VAV3: variants seen among roughly 807,000 people sequenced by gnomAD.
The protein encoded by VAV3 is guanine nucleotide exchange factor VAV3.
Under a neutral mutation model 131.2 loss-of-function variants are expected in VAV3, and 94 were observed. The observed-to-expected ratio is 0.72, with a 90% CI of 0.61 to 0.85. The LOEUF (loss-of-function observed/expected upper bound fraction) is 0.85. Ranked by LOEUF, VAV3 falls within the 40% of genes least tolerant of loss-of-function variation. The pLI is 0.00. For missense variants in VAV3, 939 were observed against 1,002.7 expected (o/e 0.94, Z 0.86); for synonymous variants, 349 against 342.0 (o/e 1.02, Z -0.22).
intron 9 of VAV3, among the ~76,000 whole-genome samples, chr1:107,762,313 G>T (rs1664487992): frequency 6.6e-6 from 1 of 152,034 alleles, no homozygotes; most frequent in African/African-American, 2.4e-5. Context: ...CACATGGAAT[G>T]ATATATTATG....
At chr1:107,726,694 T>C (rs765530311) in intron 15 of VAV3, among the ~76,000 whole-genome samples, 3 of 152,248 alleles carry the variant, frequency 2.0e-5, no homozygotes, top group Non-Finnish European at 2.9e-5. Context: ...CCAACCTCGT[T>C]TCCTTTATTA....
chr1:107,909,881 A>C lies in VAV3; in HGVS notation c.205-34864T>G, dbSNP rs1209316915. On this transcript the variant is annotated intron_variant, in intron 1 of 26. Coordinates refer to ENST00000370056, the MANE Select transcript of VAV3 (RefSeq NM_006113.5). ...TATTTCATAATAATATTTTCTTTCAACTATCAAGCTTGCTCAGCTTCACAT... is the reference window on the plus strand; with the variant it reads ...TATTTCATAATAATATTTTCTTTCACCTATCAAGCTTGCTCAGCTTCACAT... Among the ~76,000 whole-genome samples, 3 of 152,304 alleles carry C rather than the reference A, an allele frequency of 2.0e-5. No individual in the cohort carries two copies. The East Asian group carries it at 5.8e-4, about 29-fold the overall frequency.
chr1:107,695,545 C>T (rs1033788614), intron 17 of VAV3, among the ~76,000 whole-genome samples: 1 of 151,976 alleles, frequency 6.6e-6, no homozygotes, highest in African/African-American at 2.4e-5. Context: ...GGGAAGTTTG[C>T]GGTAATGACT....
intron 19 of VAV3, among the ~76,000 whole-genome samples, chr1:107,659,457 C>T (rs1322387040): frequency 6.6e-6 from 1 of 152,146 alleles, no homozygotes; most frequent in Non-Finnish European, 1.5e-5. Context: ...TTCAGCTCTT[C>T]ACAATGTCCA....
At chr1:107,606,803 CTTTTTTTTTTTT>C (rs34849497) in intron 22 of VAV3, among the ~76,000 whole-genome samples, 1 of 58,000 alleles carries the variant, frequency 1.7e-5, no homozygotes, top group African/African-American at 7.0e-5. Flanking sequence ...ATGGTTTCTT[CTTTTTTTTTTTT>C]TTTTTTTTTT....
Position 107,704,668 on chromosome 1 carries a change from A to G in VAV3, c.1605-18T>C, listed in dbSNP as rs1275974616. On this transcript the variant is annotated intron_variant, in intron 16 of 26. Coordinates refer to ENST00000370056, the MANE Select transcript of VAV3 (RefSeq NM_006113.5). Reference sequence around the variant, plus strand: ...ATGTTCCCCTGAAAGGTGAAATAAGAAAGTGGTATATTAAACGGTGCAAAA... The same window carrying G: ...ATGTTCCCCTGAAAGGTGAAATAAGGAAGTGGTATATTAAACGGTGCAAAA... The G allele has an allele frequency of 1.9e-6, 3 of 1,593,226 alleles. No homozygotes were observed. The highest frequency in any genetic ancestry group is 1.7e-4 in the Middle Eastern group (1 of 6,020).
intron 15 of VAV3, among the ~76,000 whole-genome samples, chr1:107,713,782 G>T (rs1387429299): frequency 6.6e-6 from 1 of 152,068 alleles, no homozygotes; most frequent in Non-Finnish European, 1.5e-5. Flanking sequence ...CAAGGACTTA[G>T]TACCAAAGTA....
chr1:107,659,741 C>CTGT (rs1222347719), intron 19 of VAV3, among the ~76,000 whole-genome samples: 2 of 152,142 alleles, frequency 1.3e-5, no homozygotes, highest in Non-Finnish European at 2.9e-5. Flanking sequence ...TAAGGATATG[C>CTGT]TGTTACCCGC....
At chr1:107,812,199 A>C (rs1667345358) in intron 2 of VAV3, among the ~76,000 whole-genome samples, 1 of 152,208 alleles carries the variant, frequency 6.6e-6, no homozygotes, top group Admixed American at 6.5e-5. Flanking sequence ...AGCTGAATAC[A>C]TTAAATTACA....
chr1:107,785,327 T>C, intron 2 of VAV3: 1 of 914,234 alleles, frequency 1.1e-6, no homozygotes, highest in East Asian at 1.1e-4. Context: ...GCTAATTAAT[T>C]ATGGATTTAT....
At chr1:107,920,204 G>A (rs960272437) in intron 1 of VAV3, among the ~76,000 whole-genome samples, 1 of 152,160 alleles carries the variant, frequency 6.6e-6, no homozygotes, top group Non-Finnish European at 1.5e-5. Flanking sequence ...CTAGACTAAC[G>A]TATAGCATGT....
At chr1:107,865,008 T>G (rs746472129) in intron 2 of VAV3, among the ~76,000 whole-genome samples, 1 of 152,136 alleles carries the variant, frequency 6.6e-6, no homozygotes, top group Non-Finnish European at 1.5e-5. Flanking sequence ...ACTGCACTGG[T>G]TGCTTTTCCC....
intron 2 of VAV3, among the ~76,000 whole-genome samples, chr1:107,873,199 T>G (rs1670330063): frequency 6.6e-6 from 1 of 152,182 alleles, no homozygotes; most frequent in African/African-American, 2.4e-5. Flanking sequence ...TCACATTCAA[T>G]TTTTTGTAGT....
intron 21 of VAV3, among the ~76,000 whole-genome samples, chr1:107,613,515 T>A (rs1009641442): frequency 1.3e-5 from 2 of 152,144 alleles, no homozygotes; most frequent in African/African-American, 4.8e-5. Context: ...TCAATTACTA[T>A]ACCTGAATCA....
At chr1:107,631,344 T>C (rs1353605668) in intron 20 of VAV3, among the ~76,000 whole-genome samples, 2 of 151,992 alleles carry the variant, frequency 1.3e-5, no homozygotes, top group Non-Finnish European at 2.9e-5. Flanking sequence ...AGCTAACTGT[T>C]CCATGGTCCC....
intron 19 of VAV3, among the ~76,000 whole-genome samples, chr1:107,679,096 G>A (rs1035216310): frequency 6.6e-6 from 1 of 152,090 alleles, no homozygotes; most frequent in African/African-American, 2.4e-5. Context: ...GGTAATGAAA[G>A]AAAGATTTCT....
At chr1:107,672,591 A>T (rs2101681986) in intron 19 of VAV3, among the ~76,000 whole-genome samples, 1 of 152,138 alleles carries the variant, frequency 6.6e-6, no homozygotes, top group East Asian at 1.9e-4. Context: ...ATAGAAACAA[A>T]TACACCAGAA....
chr1:107,769,055 A>G (rs763245305), intron 6 of VAV3, among the ~76,000 whole-genome samples: 1 of 151,966 alleles, frequency 6.6e-6, no homozygotes, highest in Non-Finnish European at 1.5e-5. Flanking sequence ...CTCTAGCTCA[A>G]CTCCTAAATC....
intron 19 of VAV3, among the ~76,000 whole-genome samples, chr1:107,662,372 C>T (rs1475513407): frequency 6.6e-6 from 1 of 152,040 alleles, no homozygotes; most frequent in Non-Finnish European, 1.5e-5. Context: ...TTACTCTGCT[C>T]AGTTTGGATT....
Sources: gnomAD v4.1 joint callset for allele counts (sites outside exome capture counted in the v4.1 genomes callset) on GRCh38, gnomAD v4.1.1 for gene constraint, MANE v1.5 for transcripts, NCBI Gene and HGNC (gene_info 2026-07-23, HGNC 2026-07-21) for gene names.